KHDC1: variants seen among roughly 807,000 people sequenced by gnomAD.
KHDC1 encodes the protein KH domain containing 1.
Under a neutral mutation model 24.7 loss-of-function variants are expected in KHDC1, and 21 were observed. The ratio of observed to expected loss-of-function variants is 0.85; its 90% CI spans 0.60 to 1.23. The LOEUF is 1.23. KHDC1 is among the 50% of genes most tolerant of loss of function. The pLI is 0.00. For missense variants in KHDC1, 274 were observed against 298.5 expected (o/e 0.92, Z 0.61); for synonymous variants, 98 against 111.7 (o/e 0.88, Z 0.77).
chr6:73,251,289 T>G (rs1202123199), intron 2 of KHDC1, among the ~76,000 whole-genome samples: 1 of 152,228 alleles, frequency 6.6e-6, no homozygotes, highest in Non-Finnish European at 1.5e-5. Flanking sequence ...TGGAATTCTC[T>G]TACTGTGTAT....
chr6:73,248,282 G>A (rs1053248599), intron 2 of KHDC1, among the ~76,000 whole-genome samples: 34 of 152,020 alleles, frequency 2.2e-4, no homozygotes, highest in Non-Finnish European at 4.9e-4. Context: ...TGAGAGCGTG[G>A]AGCATCCCCC....
intron 2 of KHDC1, chr6:73,263,168 G>A: frequency 2.0e-6 from 2 of 987,106 alleles, no homozygotes; most frequent in Non-Finnish European, 2.4e-6. Flanking sequence ...CTCGCGCCGC[G>A]GCCGCGCGAG....
chr6:73,269,968 G>A (rs1319109086), intron 2 of KHDC1: 2 of 152,072 alleles, frequency 1.3e-5, no homozygotes, highest in African/African-American at 2.4e-5. Context: ...TGGAGACAAG[G>A]TCTCACCATC....
At chr6:73,297,614 A>G (rs1009990565) in intron 1 of KHDC1, among the ~76,000 whole-genome samples, 1 of 152,156 alleles carries the variant, frequency 6.6e-6, no homozygotes, top group Non-Finnish European at 1.5e-5. Context: ...ACCAATTTAT[A>G]TACTCACTAG....
chr6:73,266,372 T>C (rs16883518), intron 2 of KHDC1, among the ~76,000 whole-genome samples: 11,588 of 152,298 alleles, frequency 0.076, 498 homozygotes, highest in Non-Finnish European at 0.091. Flanking sequence ...TCAATAGTCT[T>C]TGCCTTATCA....
At chr6:73,273,723 G>A (rs1259642115) in intron 2 of KHDC1, among the ~76,000 whole-genome samples, 5 of 152,166 alleles carry the variant, frequency 3.3e-5, no homozygotes, top group East Asian at 3.9e-4. Flanking sequence ...GGCTGAGGAG[G>A]CAGGAGAATG....
At position 73,241,460 on chromosome 6, in the gene KHDC1, C is replaced by T. The variant is rs73757029; in HGVS notation, c.*69G>A. 2,317 of 1,484,588 alleles carry T rather than the reference C, an allele frequency of 1.6e-3. 39 individuals are homozygous for T. The African/African-American group carries it at 0.028, about 18-fold the overall frequency. The allele number at this position is 1,484,588 out of a possible 1,614,324, so 92.0% of individuals were successfully genotyped here. On this transcript the variant is annotated 3_prime_UTR_variant, in exon 5 of 5. Transcript: ENST00000370384. ...AAACTTTCCTCAGTGTCTATCATGT[C>T]TTTCTCACCAAAAGTGAAGCCAAGA...
exon 1 of KHDC1, chr6:73,309,563 C>T (rs868362643): frequency 1.3e-6 from 2 of 1,517,714 alleles, no homozygotes; most frequent in Non-Finnish European, 8.8e-7. Flanking sequence ...TCGATTTCTG[C>T]GGATCCAAAG....
intron 2 of KHDC1, among the ~76,000 whole-genome samples, chr6:73,281,477 C>A (rs764212928): frequency 1.3e-5 from 2 of 151,856 alleles, no homozygotes; most frequent in Admixed American, 1.3e-4. Context: ...ATCAGCCAGG[C>A]GTGGTGATGG....
chr6:73,241,438 CT>C, exon 5 of KHDC1: 1 of 1,280,726 alleles, frequency 7.8e-7, no homozygotes, highest in Non-Finnish European at 1.1e-6. Flanking sequence ...CAAGTTCAAA[CT>C]TTCCTCAGTG....
intron 2 of KHDC1, among the ~76,000 whole-genome samples, chr6:73,249,166 G>A (rs2150554863): frequency 1.3e-5 from 2 of 152,214 alleles, no homozygotes; most frequent in Admixed American, 1.3e-4. Context: ...CAGCTCACCA[G>A]TGTGGTGGCT....
At chr6:73,254,272 C>G (rs891827858) in intron 2 of KHDC1, among the ~76,000 whole-genome samples, 1 of 151,766 alleles carries the variant, frequency 6.6e-6, no homozygotes, top group Non-Finnish European at 1.5e-5. Flanking sequence ...ACCAGCCTGG[C>G]CAACATGGAG....
intron 1 of KHDC1, chr6:73,293,005 G>A: frequency 2.0e-6 from 2 of 1,006,794 alleles, no homozygotes; most frequent in Non-Finnish European, 1.5e-6. Context: ...GCATTAACAT[G>A]TTGGCAGACA....
intron 1 of KHDC1, among the ~76,000 whole-genome samples, chr6:73,304,772 A>G (rs1767932036): frequency 6.6e-6 from 1 of 152,218 alleles, no homozygotes; most frequent in South Asian, 2.1e-4. Context: ...ACTGTGAAAC[A>G]AGGTCCAGTT....
intron 1 of KHDC1, among the ~76,000 whole-genome samples, chr6:73,294,205 T>C (rs984749579): frequency 6.6e-6 from 1 of 152,156 alleles, no homozygotes; most frequent in Non-Finnish European, 1.5e-5. Flanking sequence ...TCTAAAACTT[T>C]AAATTTCACA....
chr6:73,308,481 G>A (rs1430890643), intron 1 of KHDC1, among the ~76,000 whole-genome samples: 1 of 151,654 alleles, frequency 6.6e-6, no homozygotes, highest in Non-Finnish European at 1.5e-5. Context: ...AAAGTGTTGG[G>A]ATTACAGGAG....
intron 1 of KHDC1, chr6:73,309,436 T>C (rs2150760458): frequency 9.4e-7 from 1 of 1,065,350 alleles, no homozygotes; most frequent in South Asian, 1.9e-5. Context: ...AGAACTGTCC[T>C]AGGCCTTCAG....
intron 2 of KHDC1, among the ~76,000 whole-genome samples, chr6:73,271,876 CAG>C (rs1767185343): frequency 2.0e-5 from 3 of 151,138 alleles, no homozygotes; most frequent in Admixed American, 1.3e-4. Flanking sequence ...GCCTGGGCAA[CAG>C]AGTGAGACTC....
Position 73,257,338 on chromosome 6 carries a change from G to T in KHDC1, c.207-14808C>A, listed in dbSNP as rs75020151. Among the ~76,000 whole-genome samples the T allele has an allele frequency of 9.0e-3, 1,375 of 152,254 alleles. 23 individuals carry two copies. The highest frequency in any genetic ancestry group is 0.032 in the African/African-American group (1,319 of 41,550). On this transcript the variant is annotated intron_variant, in intron 2 of 4. Transcript: ENST00000370384. ...AAGGCATGGCCTTCCTTAGGAATTT[G>T]GTTTGGGGATTCTCTAACAATAGCA... is the stretch of plus-strand genomic sequence containing the variant.
Sources: gnomAD v4.1 joint callset for allele counts (sites outside exome capture counted in the v4.1 genomes callset) on GRCh38, gnomAD v4.1.1 for gene constraint, MANE v1.5 for transcripts, NCBI Gene and HGNC (gene_info 2026-07-23, HGNC 2026-07-21) for gene names.